Variants in PECAM1 observed in about 807,000 individuals in gnomAD.
PECAM1 encodes platelet endothelial cell adhesion molecule.
Under a neutral mutation model 13.8 loss-of-function variants are expected in PECAM1, and 8 were observed. The observed-to-expected ratio is 0.58, with a 90% CI of 0.34 to 1.05. PECAM1 has a LOEUF of 1.05. PECAM1 is among the 50% of genes least tolerant of loss of function. The probability of loss-of-function intolerance (pLI) is 0.03; values close to 1 mark genes in which losing one functional copy is unlikely to be tolerated. For missense variants in PECAM1, 304 were observed against 141.2 expected (o/e 2.15, Z -5.84); for synonymous variants, 136 against 52.6 (o/e 2.58, Z -6.86).
chr17:64,383,903 C>T (rs2036536539), intron 2 of PECAM1, among the ~76,000 whole-genome samples: 1 of 152,028 alleles, frequency 6.6e-6, no homozygotes, highest in Non-Finnish European at 1.5e-5. Context: ...AGGCCTAGGT[C>T]GGTGGATCAC....
intron 12 of PECAM1, among the ~76,000 whole-genome samples, chr17:64,349,511 C>A (rs1017110619): frequency 0.011 from 1,596 of 144,006 alleles, 45 homozygotes; most frequent in African/African-American, 0.038. Context: ...TGGCTTGAAC[C>A]CGAGAGGCGG....
intron 5 of PECAM1, among the ~76,000 whole-genome samples, chr17:64,365,665 G>A (rs1185419831): frequency 6.0e-5 from 9 of 150,992 alleles, no homozygotes; most frequent in Admixed American, 2.0e-4. Flanking sequence ...CAGGAATAAC[G>A]CCGCATATCA....
Position 64,322,488 on chromosome 17 carries a change from A to C in PECAM1, c.*1328T>G, listed in dbSNP as rs1397020472. 9 of 985,360 alleles carry C rather than the reference A, an allele frequency of 9.1e-6. No individual in the cohort carries two copies. Among genetic ancestry groups the C allele is most frequent in the Non-Finnish European group, 1.1e-5 (9 of 829,954 alleles). The allele number at this position is 985,360 out of a possible 1,614,324, so 61.0% of individuals were successfully genotyped here. On this transcript the variant is annotated 3_prime_UTR_variant, in exon 16 of 16. Coordinates refer to ENST00000563924, the MANE Select transcript of PECAM1 (RefSeq NM_000442.5). ...AGATGCATGTGGCCCCTCAGAAGAC[A>C]ACATTTCACAGATCTGCAAAGAGCA...
chr17:64,352,660 T>C lies in PECAM1; in HGVS notation c.1917-197A>G, dbSNP rs1330895319. On this transcript the variant is annotated intron_variant, in intron 10 of 15. Transcript: ENST00000563924. The stretch of plus-strand genomic sequence containing the variant: ...AGCTCCAAGGATTATGTAAAAAAAC[T>C]TTTTTTTTTTTTTAGACAGAGTCTC... Among the ~76,000 whole-genome samples, 7 of 6,782 alleles carry C rather than the reference T, an allele frequency of 1.0e-3. No individual in the cohort carries two copies. The Non-Finnish European group carries it at 0.1, about 97-fold the overall frequency. 4.4% of individuals were successfully genotyped at this position (6,782 alleles called of 152,430 possible).
chr17:64,323,311 G>C lies in PECAM1; in HGVS notation c.*505C>G, dbSNP rs1415337807. ...GTCATAGAGGGGACAGGGGGAGGCT[G>C]TCTGGTCAGCACTGTGTATTTCCAA... On this transcript the variant is annotated 3_prime_UTR_variant, in exon 16 of 16. Coordinates refer to ENST00000563924, the MANE Select transcript of PECAM1 (RefSeq NM_000442.5). The C allele has an allele frequency of 3.0e-6, 3 of 1,006,746 alleles. No individual in the cohort carries two copies. Among genetic ancestry groups the C allele is most frequent in the Non-Finnish European group, 3.6e-6 (3 of 842,440 alleles). 62.4% of individuals were successfully genotyped at this position (1,006,746 alleles called of 1,614,324 possible). A position where few individuals can be genotyped will look rare whatever the true frequency, so the allele number is the denominator to read the frequency against.
intron 15 of PECAM1, among the ~76,000 whole-genome samples, chr17:64,324,200 A>G (rs1171325669): frequency 6.6e-6 from 1 of 152,178 alleles, no homozygotes; most frequent in Non-Finnish European, 1.5e-5. Flanking sequence ...TCCACAGCAC[A>G]ATGACTGCAG....
chr17:64,329,435 T>C (rs898661681), intron 15 of PECAM1, among the ~76,000 whole-genome samples: 6 of 152,196 alleles, frequency 3.9e-5, no homozygotes, highest in African/African-American at 1.2e-4. Context: ...TTAAACGAAA[T>C]GTGTGCTTTG....
chr17:64,362,072 T>C (rs1162731747), intron 6 of PECAM1, among the ~76,000 whole-genome samples: 1 of 152,164 alleles, frequency 6.6e-6, no homozygotes, highest in African/African-American at 2.4e-5. Flanking sequence ...AATAATATAG[T>C]GACAGTGACA....
intron 2 of PECAM1, among the ~76,000 whole-genome samples, chr17:64,385,932 C>T (rs1428913922): frequency 1.2e-4 from 18 of 152,172 alleles, no homozygotes; most frequent in Non-Finnish European, 8.8e-5. Flanking sequence ...GAATGGAGGG[C>T]TGGCCTGCTG....
intron 5 of PECAM1, among the ~76,000 whole-genome samples, chr17:64,366,879 ACGAGT>A (rs1223114138): frequency 1.3e-5 from 2 of 150,144 alleles, no homozygotes; most frequent in African/African-American, 4.9e-5. Flanking sequence ...ATGCTAAATG[ACGAGT>A]TAATGGGTGC....
chr17:64,380,061 G>A (rs1306161356), intron 2 of PECAM1, among the ~76,000 whole-genome samples: 4 of 151,510 alleles, frequency 2.6e-5, no homozygotes, highest in Non-Finnish European at 5.9e-5. Flanking sequence ...GCCAGGCGCA[G>A]TGGCTCACGG....
At chr17:64,327,331 A>T (rs2034985062) in intron 15 of PECAM1, among the ~76,000 whole-genome samples, 1 of 152,224 alleles carries the variant, frequency 6.6e-6, no homozygotes, top group Non-Finnish European at 1.5e-5. Context: ...TGCTCATTTC[A>T]TCCTTAAAAT....
chr17:64,354,273 T>A (rs984459858), intron 9 of PECAM1, among the ~76,000 whole-genome samples: 6 of 152,010 alleles, frequency 3.9e-5, no homozygotes, highest in African/African-American at 1.4e-4. Context: ...TTACAAAAAG[T>A]AAAGGCGAAA....
Position 64,320,868 on chromosome 17 carries a change from T to C in PECAM1, c.*2948A>G, listed in dbSNP as rs2034801256. On this transcript the variant is annotated 3_prime_UTR_variant, in exon 16 of 16. Coordinates refer to ENST00000563924, the MANE Select transcript of PECAM1 (RefSeq NM_000442.5). The stretch of plus-strand genomic sequence containing the variant: ...GATCATGCTTGGTCGTGGGAGACGG[T>C]TCTGTGCCTGTAGGATGTTTAGGAG... The C allele has an allele frequency of 6.6e-6, 1 of 152,184 alleles. No individual in the cohort carries two copies. 9.4% of individuals were successfully genotyped at this position (152,184 alleles called of 1,614,324 possible).
intron 5 of PECAM1, among the ~76,000 whole-genome samples, chr17:64,365,603 T>C (rs1460905315): frequency 6.6e-6 from 1 of 152,102 alleles, no homozygotes; most frequent in Non-Finnish European, 1.5e-5. Context: ...CAAAACAGCA[T>C]GGTACTGGTA....
intron 14 of PECAM1, among the ~76,000 whole-genome samples, chr17:64,337,641 C>CA (rs1180823008): frequency 7.0e-6 from 1 of 142,930 alleles, no homozygotes; most frequent in African/African-American, 2.6e-5. Context: ...TACACCGCCT[C>CA]AAATCCTACA....
At chr17:64,355,690 G>T (rs1428966272) in intron 8 of PECAM1, among the ~76,000 whole-genome samples, 2 of 152,076 alleles carry the variant, frequency 1.3e-5, no homozygotes, top group African/African-American at 4.8e-5. Flanking sequence ...CAACTCCAGG[G>T]CTCAAGTGGA....
chr17:64,328,372 T>TGACAGAGGACTGGCCGCAGAG (rs2035014938), intron 15 of PECAM1, among the ~76,000 whole-genome samples: 1 of 152,230 alleles, frequency 6.6e-6, no homozygotes, highest in Non-Finnish European at 1.5e-5. Context: ...GTCTCTGTCG[T>TGACAGAGGACTGGCCGCAGAG]GACAGAGGAC....
At position 64,373,150 on chromosome 17, in the gene PECAM1, A is replaced by ATAG. The variant is rs1598045742; in HGVS notation, c.691+1900_691+1901insCTA. 2.6e-5 allele frequency among the ~76,000 whole-genome samples: 4 copies of ATAG among 151,704 alleles called. No individual in the cohort carries two copies. The East Asian group carries it at 7.7e-4, about 29-fold the overall frequency. On this transcript the variant is annotated intron_variant, in intron 4 of 15. Coordinates refer to ENST00000563924, the MANE Select transcript of PECAM1 (RefSeq NM_000442.5). ...AAATAAATAAATAAATAAATAAAAA[A>ATAG]AAAAGAAAATGCACAAAACATCTGA...
Sources: gnomAD v4.1 joint callset for allele counts (sites outside exome capture counted in the v4.1 genomes callset) on GRCh38, gnomAD v4.1.1 for gene constraint, MANE v1.5 for transcripts, NCBI Gene and HGNC (gene_info 2026-07-23, HGNC 2026-07-21) for gene names.